Variants in DTL observed in about 807,000 individuals in gnomAD.
DTL encodes denticleless E3 ubiquitin protein ligase adapter, also known as denticleless protein homolog.
A neutral mutation model predicts 87.0 loss-of-function variants in DTL; 46 were observed. The ratio of observed to expected loss-of-function variants is 0.53; its 90% CI spans 0.42 to 0.68. DTL has a LOEUF of 0.68. Ranked by LOEUF, DTL falls within the 30% of genes least tolerant of loss-of-function variation. The pLI is 0.00. For synonymous variants in DTL, 308 were observed against 311.2 expected (o/e 0.99, Z 0.11); for missense variants, 737 against 869.4 (o/e 0.85, Z 1.91).
At chr1:212,093,310 G>C (rs1458153592) in intron 13 of DTL, among the ~76,000 whole-genome samples, 1 of 152,180 alleles carries the variant, frequency 6.6e-6, no homozygotes, top group African/African-American at 2.4e-5. Context: ...GTTACAGTGT[G>C]CTCTTTTAGT....
At chr1:212,064,059 G>A (rs1390236052) in intron 6 of DTL, among the ~76,000 whole-genome samples, 1 of 151,454 alleles carries the variant, frequency 6.6e-6, no homozygotes, top group African/African-American at 2.4e-5. Flanking sequence ...CTCCCAGCTA[G>A]TTATGTATTT....
intron 5 of DTL, among the ~76,000 whole-genome samples, chr1:212,058,418 A>G (rs985526870): frequency 2.6e-5 from 4 of 152,288 alleles, no homozygotes; most frequent in Admixed American, 6.5e-5. Flanking sequence ...GAAACTACAA[A>G]TACGTGGAAA....
intron 5 of DTL, chr1:212,052,080 T>A (rs756087349): frequency 3.6e-6 from 3 of 824,652 alleles, no homozygotes; most frequent in Non-Finnish European, 4.1e-6. Context: ...CAACAGCTTT[T>A]TTTTCCTTTC....
At chr1:212,040,024 C>T (rs752378185) in intron 1 of DTL, among the ~76,000 whole-genome samples, 3 of 152,164 alleles carry the variant, frequency 2.0e-5, no homozygotes, top group Non-Finnish European at 4.4e-5. Flanking sequence ...AATAAATTAA[C>T]CTTAGCTTAC....
At chr1:212,052,890 T>C (rs748881209) in intron 5 of DTL, among the ~76,000 whole-genome samples, 7 of 152,166 alleles carry the variant, frequency 4.6e-5, no homozygotes, top group African/African-American at 9.7e-5. Flanking sequence ...TGGTTTTTAG[T>C]TTATTCACTA....
In DTL at chr1:212,035,943, G is replaced by T. The variant is rs1206922511; in HGVS notation, c.52+1G>T. 1.9e-6 allele frequency: 3 copies of T among 1,613,938 alleles called. No homozygotes were observed. Among genetic ancestry groups the T allele is most frequent in the Non-Finnish European group, 1.7e-6 (2 of 1,179,958 alleles). The stretch of plus-strand genomic sequence containing the variant: ...CCCCAGCTTGGCGTCCTGAGAAATG[G>T]TGAGTAACGGTCCCAACCGCTGCTC... On this transcript the variant is annotated splice_donor_variant, in intron 1 of 14. Coordinates refer to ENST00000366991, the MANE Select transcript of DTL (RefSeq NM_016448.4). LOFTEE classifies it high-confidence loss of function.
At chr1:212,095,968 G>C (rs1655434235) in intron 13 of DTL, among the ~76,000 whole-genome samples, 1 of 152,144 alleles carries the variant, frequency 6.6e-6, no homozygotes. Flanking sequence ...TTGAATGTCT[G>C]ATAGAATTCA....
At chr1:212,043,699 G>T (rs552579012) in intron 2 of DTL, among the ~76,000 whole-genome samples, 1 of 151,794 alleles carries the variant, frequency 6.6e-6, no homozygotes, top group African/African-American at 2.4e-5. Context: ...GCGTGGTGGC[G>T]CACCCCTGTA....
chr1:212,046,981 A>C (rs975842951), intron 3 of DTL, among the ~76,000 whole-genome samples, 170 bp from the exon 4 acceptor site: 3 of 152,174 alleles, frequency 2.0e-5, no homozygotes, highest in Non-Finnish European at 2.9e-5. Flanking sequence ...AATAATTGCC[A>C]TTCTGACTGA....
chr1:212,068,166 T>G lies in DTL; in HGVS notation c.714-58T>G, dbSNP rs191358880. 68 of 1,087,522 alleles carry G rather than the reference T, an allele frequency of 6.3e-5. No individual in the cohort carries two copies. In the African/African-American group the frequency reaches 8.0e-4, roughly 13 times the overall value. 67.4% of individuals were successfully genotyped at this position (1,087,522 alleles called of 1,614,324 possible). A position where few individuals can be genotyped will look rare whatever the true frequency, so the allele number is the denominator to read the frequency against. Reference sequence around the variant, plus strand: ...AAAGTCATTTCACATTTAGTGTAGTTGAAGTTGTTTGGGGTTGGAAGAAGG... The same window carrying G: ...AAAGTCATTTCACATTTAGTGTAGTGGAAGTTGTTTGGGGTTGGAAGAAGG... On this transcript the variant is annotated intron_variant, in intron 8 of 14. Coordinates refer to ENST00000366991, the MANE Select transcript of DTL (RefSeq NM_016448.4).
chr1:212,055,238 G>A (rs1329713208), intron 5 of DTL, among the ~76,000 whole-genome samples: 1 of 150,430 alleles, frequency 6.6e-6, no homozygotes, highest in Non-Finnish European at 1.5e-5. Flanking sequence ...TCCTATGCAG[G>A]GACAGAGTAA....
chr1:212,041,152 G>A (rs1667628213), intron 1 of DTL, among the ~76,000 whole-genome samples: 1 of 152,168 alleles, frequency 6.6e-6, no homozygotes, highest in Admixed American at 6.5e-5. Flanking sequence ...GGATCCAAAA[G>A]TAGCTTAGGG....
At chr1:212,097,643 A>C (rs1655489913) in intron 13 of DTL, among the ~76,000 whole-genome samples, 1 of 151,588 alleles carries the variant, frequency 6.6e-6, no homozygotes, top group Admixed American at 6.6e-5. Flanking sequence ...TTTTATTTTT[A>C]AATTTAAGTT....
At chr1:212,046,848 T>C (rs752013882) in intron 3 of DTL, among the ~76,000 whole-genome samples, 3 of 152,192 alleles carry the variant, frequency 2.0e-5, no homozygotes, top group Non-Finnish European at 2.9e-5. Context: ...TGGTTCTAGG[T>C]CTTTGAGGAA....
At chr1:212,087,086 G>A (rs183107766) in intron 13 of DTL, among the ~76,000 whole-genome samples, 5 of 152,262 alleles carry the variant, frequency 3.3e-5, no homozygotes, top group African/African-American at 1.2e-4. Context: ...GACCTACTTG[G>A]ATTATCTCAT....
intron 11 of DTL, among the ~76,000 whole-genome samples, chr1:212,072,696 G>C (rs1010516445): frequency 6.6e-6 from 1 of 151,194 alleles, no homozygotes; most frequent in East Asian, 1.9e-4. Context: ...TGATCTTCAG[G>C]CCACTAAAGT....
intron 6 of DTL, among the ~76,000 whole-genome samples, chr1:212,064,113 A>G (rs1250895557): frequency 6.6e-6 from 1 of 152,070 alleles, no homozygotes; most frequent in African/African-American, 2.4e-5. Context: ...GCTGATCTGG[A>G]ACTCCTGACC....
chr1:212,071,343 AG>A (rs1654663400), intron 10 of DTL, among the ~76,000 whole-genome samples: 1 of 152,194 alleles, frequency 6.6e-6, no homozygotes, highest in Non-Finnish European at 1.5e-5. Flanking sequence ...CTGATGTCAG[AG>A]GCCTCAGGTT....
In DTL at chr1:212,068,318, C is replaced by T; in HGVS notation, c.808C>T (p.Arg270Ter). The T allele has an allele frequency of 6.2e-7, 1 of 1,602,372 alleles. No homozygotes were observed. Among genetic ancestry groups the T allele is most frequent in the Non-Finnish European group, 8.5e-7 (1 of 1,176,128 alleles). Residue 270 changes from arginine to a stop codon, truncating the protein, a stop_gained, in exon 9 of 15, where the codon CGA becomes TGA. Transcript: ENST00000366991. LOFTEE classifies it high-confidence loss of function. Reference sequence around the variant, plus strand: ...TTTCCTGTACCCAGGTAGCAGCACTCGAAAACTTGGTAAGCCTTTAATAGG... The same window carrying T: ...TTTCCTGTACCCAGGTAGCAGCACTTGAAAACTTGGTAAGCCTTTAATAGG... ...KSFLYPGSST[R>*]KLGYSSLILD...
Sources: allele counts gnomAD v4.1 joint callset (sites outside exome capture counted in the v4.1 genomes callset), GRCh38; gene constraint gnomAD v4.1.1; transcripts MANE v1.5; gene names NCBI Gene and HGNC (gene_info 2026-07-23, HGNC 2026-07-21).